DDC: variants seen among roughly 807,000 people sequenced by gnomAD.
DDC encodes dopa decarboxylase, also known as aromatic-L-amino-acid decarboxylase.
DDC carries 43 observed loss-of-function variants against 60.0 expected under a neutral mutation model. The observed-to-expected ratio is 0.72, with a 90% CI of 0.56 to 0.92. DDC has a LOEUF of 0.92. DDC is among the 40% of genes least tolerant of loss of function. The pLI is 0.00. For missense variants in DDC, 573 were observed against 620.2 expected, an observed-to-expected ratio of 0.92 and a Z score of 0.81; for synonymous variants, 232 against 234.6, an observed-to-expected ratio of 0.99 and a Z score of 0.10.
chr7:50,559,113 A>G (rs1184228624), intron 1 of DDC, among the ~76,000 whole-genome samples: 1 of 152,180 alleles, frequency 6.6e-6, no homozygotes, highest in Non-Finnish European at 1.5e-5. Context: ...ATATCCTCCT[A>G]AACTTCACAT....
intron 14 of DDC, among the ~76,000 whole-genome samples, chr7:50,460,267 G>A (rs527675843): frequency 0.011 from 1,464 of 128,076 alleles, 84 homozygotes; most frequent in African/African-American, 0.043. Flanking sequence ...CTGCCGCCCC[G>A]TCCGGGAGGT....
At chr7:50,563,570 T>C (rs1387832493) in intron 1 of DDC, among the ~76,000 whole-genome samples, 1 of 152,174 alleles carries the variant, frequency 6.6e-6, no homozygotes, top group Non-Finnish European at 1.5e-5. Context: ...AACATATTCT[T>C]GGCAGAGTAA....
At chr7:50,461,977 A>T (rs1381896666) in intron 14 of DDC, among the ~76,000 whole-genome samples, 1 of 152,234 alleles carries the variant, frequency 6.6e-6, no homozygotes, top group Non-Finnish European at 1.5e-5. Flanking sequence ...GGTCTATCAC[A>T]TATACCAAAC....
chr7:50,556,947 A>G (rs552051014), intron 1 of DDC, among the ~76,000 whole-genome samples: 2 of 152,332 alleles, frequency 1.3e-5, no homozygotes, highest in East Asian at 1.9e-4. Context: ...CTGCTGGCTG[A>G]CGTCTTGGAG....
intron 6 of DDC, among the ~76,000 whole-genome samples, chr7:50,524,086 T>C (rs1379615353): frequency 1.3e-5 from 2 of 152,202 alleles, no homozygotes; most frequent in Non-Finnish European, 2.9e-5. Context: ...TATGATTCTA[T>C]CTGTATGACA....
intron 9 of DDC, among the ~76,000 whole-genome samples, chr7:50,483,833 G>A (rs1252513333): frequency 1.3e-5 from 2 of 151,996 alleles, no homozygotes; most frequent in Admixed American, 1.3e-4. Flanking sequence ...GAACCTGGGA[G>A]GTGGAGCTTG....
intron 1 of DDC, among the ~76,000 whole-genome samples, chr7:50,560,133 C>T (rs1308789954): frequency 6.6e-6 from 1 of 152,140 alleles, no homozygotes; most frequent in African/African-American, 2.4e-5. Flanking sequence ...GACTCCGGTG[C>T]CCCCAGCAAA....
chr7:50,545,156 G>A (rs2044758905), intron 1 of DDC, among the ~76,000 whole-genome samples: 2 of 152,192 alleles, frequency 1.3e-5, no homozygotes, highest in South Asian at 2.1e-4. Flanking sequence ...GAGAGCTGAC[G>A]CAAGAAGGTA....
Position 50,476,656 on chromosome 7 carries a change from G to GAAAGAA in DDC, c.1022-19_1022-14dup. ...TCAGTGATAAGCCCTGGAGAAAAGA[G>GAAAGAA]AAAGAAAAAGAAAAAAGAAATCGTT... On this transcript the variant is annotated splice_polypyrimidine_tract_variant and intron_variant, in intron 10 of 14. Transcript: ENST00000444124. 1 of 1,608,790 alleles carries GAAAGAA rather than the reference G, an allele frequency of 6.2e-7. No individual in the cohort carries two copies. Among genetic ancestry groups the GAAAGAA allele is most frequent in the Non-Finnish European group, 8.5e-7 (1 of 1,176,626 alleles).
chr7:50,476,996 G>C (rs768349697), intron 10 of DDC, among the ~76,000 whole-genome samples: 9 of 152,156 alleles, frequency 5.9e-5, no homozygotes, highest in African/African-American at 9.7e-5. Flanking sequence ...ATTCATTCAT[G>C]CATGGGAAGG....
chr7:50,517,642 G>A (rs1447485690), intron 6 of DDC, among the ~76,000 whole-genome samples: 2 of 152,026 alleles, frequency 1.3e-5, no homozygotes, highest in East Asian at 3.9e-4. Context: ...GATTGTCACT[G>A]TTTGCTGCCA....
intron 6 of DDC, among the ~76,000 whole-genome samples, chr7:50,523,688 A>G (rs1472806941): frequency 1.3e-5 from 2 of 152,246 alleles, no homozygotes; most frequent in African/African-American, 4.8e-5. Context: ...TGACAAAGAT[A>G]TTGGAAAACC....
intron 7 of DDC, among the ~76,000 whole-genome samples, chr7:50,503,329 C>T (rs2043303945): frequency 6.6e-6 from 1 of 152,248 alleles, no homozygotes; most frequent in African/African-American, 2.4e-5. Context: ...TCAAGACCTG[C>T]TGAGTTCCCA....
Position 50,529,299 on chromosome 7 carries a change from C to G in DDC, c.479G>C (p.Arg160Pro). ...CTGCAGCCGATGGATCACTTTGGTCCGAGCGGCCAGCAGGGCCACCAGGGT... is the reference window on the plus strand; with the variant it reads ...CTGCAGCCGATGGATCACTTTGGTCGGAGCGGCCAGCAGGGCCACCAGGGT... The part of the protein sequence containing the change: ...EATLVALLAA[R>P]TKVIHRLQAA... Residue 160 changes from arginine to proline, a missense_variant, in exon 5 of 15, where the codon CGG becomes CCG. Arg to Pro is a moderately radical substitution (Grantham distance 103). Transcript: ENST00000444124. The G allele has an allele frequency of 6.2e-7, 1 of 1,614,188 alleles. No individual in the cohort carries two copies. Among genetic ancestry groups the G allele is most frequent in the Non-Finnish European group, 8.5e-7 (1 of 1,180,040 alleles).
Position 50,537,428 on chromosome 7 carries a change from TA to T in DDC, c.435+431del, listed in dbSNP as rs2044453361. The stretch of plus-strand genomic sequence containing the variant: ...TTTCCTCTCCTGTAAAAAGGGCTAT[TA>T]AAATGTTTCTTCACTTGTAAAAAGG... On this transcript the variant is annotated intron_variant, in intron 4 of 14. Transcript: ENST00000444124. Among the ~76,000 whole-genome samples the T allele has an allele frequency of 2.6e-5, 4 of 152,356 alleles. No homozygotes were observed. In the South Asian group the frequency reaches 8.3e-4, roughly 32 times the overall value.
chr7:50,514,476 G>GA (rs1366166920), intron 6 of DDC, among the ~76,000 whole-genome samples: 1 of 152,176 alleles, frequency 6.6e-6, no homozygotes, highest in Non-Finnish European at 1.5e-5. Context: ...TCCAAACCAA[G>GA]AAAAAATCCC....
intron 10 of DDC, chr7:50,477,548 C>T (rs1285286395): frequency 2.2e-6 from 1 of 457,234 alleles, no homozygotes; most frequent in Non-Finnish European, 4.4e-6. Flanking sequence ...CACGCCCCAC[C>T]CTGCACTTCA....
Position 50,478,649 on chromosome 7 carries a change from A to G in DDC, c.1021+1138T>C, listed in dbSNP as rs1287488182. ...CCTTGCACAATTCTTTACTGTTAAC[A>G]TAAAGAAATGACAAACCTCTTAGCC... On this transcript the variant is annotated intron_variant, in intron 10 of 14. Transcript: ENST00000444124. 2.0e-5 allele frequency among the ~76,000 whole-genome samples: 3 copies of G among 152,224 alleles called. No individual in the cohort carries two copies. In the South Asian group the frequency reaches 6.2e-4, roughly 32 times the overall value.
At chr7:50,532,565 A>G (rs987565358) in intron 4 of DDC, among the ~76,000 whole-genome samples, 4 of 152,330 alleles carry the variant, frequency 2.6e-5, no homozygotes, top group African/African-American at 9.6e-5. Context: ...CTGGGACTCA[A>G]TATCCTCATC....
Sources: allele counts gnomAD v4.1 joint callset (sites outside exome capture counted in the v4.1 genomes callset), GRCh38; gene constraint gnomAD v4.1.1; transcripts MANE v1.5; gene names NCBI Gene and HGNC (gene_info 2026-07-23, HGNC 2026-07-21).